Variants in RCOR1 observed in about 807,000 individuals in gnomAD.
The protein encoded by RCOR1 is REST corepressor.
A neutral mutation model predicts 64.0 loss-of-function variants in RCOR1; 12 were observed. The observed-to-expected ratio is 0.19, with a 90% CI of 0.12 to 0.30. The LOEUF is 0.30. RCOR1 is among the 10% of genes least tolerant of loss of function. The probability of loss-of-function intolerance (pLI) is 1.00; values close to 1 mark genes in which losing one functional copy is unlikely to be tolerated. For missense variants in RCOR1, 502 were observed against 621.2 expected (o/e 0.81, Z 2.04); for synonymous variants, 279 against 227.2 (o/e 1.23, Z -2.05).
chr14:102,629,364 A>G (rs1894055597), intron 2 of RCOR1, among the ~76,000 whole-genome samples: 1 of 151,122 alleles, frequency 6.6e-6, no homozygotes, highest in Admixed American at 6.6e-5. Flanking sequence ...TATCTTGTTT[A>G]TTGTATGATT....
At chr14:102,719,567 A>G (rs552242943) in intron 8 of RCOR1, among the ~76,000 whole-genome samples, 2 of 152,278 alleles carry the variant, frequency 1.3e-5, no homozygotes, top group African/African-American at 4.8e-5. Flanking sequence ...TGTCCTTACA[A>G]AGGACATAAA....
chr14:102,613,380 G>A (rs184498915), intron 2 of RCOR1, among the ~76,000 whole-genome samples: 2 of 151,808 alleles, frequency 1.3e-5, no homozygotes, highest in East Asian at 1.9e-4. Context: ...GGAATTACAG[G>A]TGTGAGCCAT....
intron 2 of RCOR1, among the ~76,000 whole-genome samples, chr14:102,652,404 G>A (rs1267464563): frequency 2.6e-5 from 4 of 152,180 alleles, no homozygotes; most frequent in African/African-American, 7.2e-5. Context: ...TGGAAGAAAG[G>A]CTGAGCAGTG....
intron 3 of RCOR1, among the ~76,000 whole-genome samples, chr14:102,687,148 A>G (rs987015424): frequency 6.6e-6 from 1 of 152,234 alleles, no homozygotes; most frequent in African/African-American, 2.4e-5. Flanking sequence ...CTGGGAATGT[A>G]CCAGGAGTGA....
intron 2 of RCOR1, among the ~76,000 whole-genome samples, chr14:102,618,570 TGCCAATGTACTCCAGCCTGG>T (rs1273362452): frequency 6.6e-6 from 1 of 152,174 alleles, no homozygotes; most frequent in Non-Finnish European, 1.5e-5. Flanking sequence ...ATCATGCCCA[TGCCAATGTACTCCAGCCTGG>T]GCAAGAAAGT....
chr14:102,713,148 T>C (rs540725813), intron 7 of RCOR1, among the ~76,000 whole-genome samples: 2 of 151,320 alleles, frequency 1.3e-5, no homozygotes. Flanking sequence ...GAGACGGAGT[T>C]TCACCATCTT....
At chr14:102,628,886 A>G (rs1595201629) in intron 2 of RCOR1, among the ~76,000 whole-genome samples, 1 of 146,902 alleles carries the variant, frequency 6.8e-6, no homozygotes, top group African/African-American at 2.5e-5. Flanking sequence ...AGAGGTGCCA[A>G]CTTGCTCTTT....
intron 2 of RCOR1, among the ~76,000 whole-genome samples, chr14:102,608,880 G>A (rs183205949): frequency 6.6e-6 from 1 of 151,516 alleles, no homozygotes; most frequent in African/African-American, 2.4e-5. Context: ...ATTTGTTGAT[G>A]GACATTTAGC....
chr14:102,632,995 A>T (rs995736101), intron 2 of RCOR1, among the ~76,000 whole-genome samples: 1 of 151,198 alleles, frequency 6.6e-6, no homozygotes, highest in African/African-American at 2.4e-5. Context: ...TTTTTTACAG[A>T]TGGGGGTCTC....
chr14:102,623,384 T>TTAA (rs1893914737), intron 2 of RCOR1, among the ~76,000 whole-genome samples: 1 of 136,336 alleles, frequency 7.3e-6, no homozygotes, highest in Non-Finnish European at 1.5e-5. Flanking sequence ...CCTTTATTTA[T>TTAA]TTATTATTTA....
At position 102,592,829 on chromosome 14, in the gene RCOR1, G is replaced by GC. The variant is rs1023118632; in HGVS notation, c.-53dup. 4.0e-4 allele frequency: 463 copies of GC among 1,170,578 alleles called. No individual in the cohort carries two copies. Among genetic ancestry groups the GC allele is most frequent in the Non-Finnish European group, 4.7e-4 (443 of 949,538 alleles). The allele number at this position is 1,170,578 out of a possible 1,614,324, so 72.5% of individuals were successfully genotyped here. A position where few individuals can be genotyped will look rare whatever the true frequency, so the allele number is the denominator to read the frequency against. The stretch of plus-strand genomic sequence containing the variant: ...CCCGCGCCCCCTCCCCCGTCTCGGC[G>GC]CCCCCTCCTCAGGAGCCGCGGGTCC... On this transcript the variant is annotated 5_prime_UTR_variant, in exon 1 of 12. Coordinates refer to ENST00000262241, the MANE Select transcript of RCOR1 (RefSeq NM_015156.4).
rs567666955 is a variant in RCOR1, at chr14:102,690,795, C to T, written c.445+8817C>T. Among the ~76,000 whole-genome samples, 11 of 152,252 alleles carry T rather than the reference C, an allele frequency of 7.2e-5. No homozygotes were observed. In the South Asian group the frequency reaches 1.0e-3, roughly 14 times the overall value. On this transcript the variant is annotated intron_variant, in intron 3 of 11. Coordinates refer to ENST00000262241, the MANE Select transcript of RCOR1 (RefSeq NM_015156.4). ...ATCGTATTATCTACTTTATGTCTCTCGTCTCTCTCCACTGTAGTGTAAAAC... is the reference window on the plus strand; with the variant it reads ...ATCGTATTATCTACTTTATGTCTCTTGTCTCTCTCCACTGTAGTGTAAAAC...
At chr14:102,647,001 CTG>C (rs1358890581) in intron 2 of RCOR1, among the ~76,000 whole-genome samples, 4 of 152,174 alleles carry the variant, frequency 2.6e-5, no homozygotes, top group African/African-American at 9.7e-5. Flanking sequence ...AACATCTGCA[CTG>C]TTAGATGTTC....
rs567519332 is a variant in RCOR1, at chr14:102,727,724, G to A, written c.*1218G>A. The stretch of plus-strand genomic sequence containing the variant: ...TGGTCTAGTGAGACTGAGATGAAAA[G>A]AAATAACCTACAGAGTGGTCTGTAA... On this transcript the variant is annotated 3_prime_UTR_variant, in exon 12 of 12. Transcript: ENST00000262241. The A allele has an allele frequency of 2.6e-5, 4 of 152,280 alleles. No homozygotes were observed. Among genetic ancestry groups the A allele is most frequent in the African/African-American group, 9.6e-5 (4 of 41,548 alleles). The allele number at this position is 152,280 out of a possible 1,614,324, so 9.4% of individuals were successfully genotyped here. A position where few individuals can be genotyped will look rare whatever the true frequency, so the allele number is the denominator to read the frequency against.
chr14:102,672,778 T>G (rs1895055479), intron 2 of RCOR1, among the ~76,000 whole-genome samples: 1 of 152,178 alleles, frequency 6.6e-6, no homozygotes, highest in South Asian at 2.1e-4. Context: ...TGTGTAGAAA[T>G]TGGAACTCTC....
chr14:102,621,137 T>A (rs1196456911), intron 2 of RCOR1, among the ~76,000 whole-genome samples: 1 of 152,106 alleles, frequency 6.6e-6, no homozygotes, highest in African/African-American at 2.4e-5. Flanking sequence ...GCCCAGCTAG[T>A]TTTTTAGAAT....
At chr14:102,644,337 C>T (rs1894436177) in intron 2 of RCOR1, among the ~76,000 whole-genome samples, 1 of 152,210 alleles carries the variant, frequency 6.6e-6, no homozygotes, top group Non-Finnish European at 1.5e-5. Flanking sequence ...CAAGTCTAGT[C>T]AGCTTCAAGG....
In RCOR1 at chr14:102,729,068, GTCT is replaced by G. The variant is rs1417084675; in HGVS notation, c.*2567_*2569del. 1 of 152,546 alleles carries G rather than the reference GTCT, an allele frequency of 6.6e-6. No homozygotes were observed. Among genetic ancestry groups the G allele is most frequent in the Non-Finnish European group, 1.5e-5 (1 of 68,020 alleles). The allele number at this position is 152,546 out of a possible 1,614,324, so 9.4% of individuals were successfully genotyped here. A position where few individuals can be genotyped will look rare whatever the true frequency, so the allele number is the denominator to read the frequency against. On this transcript the variant is annotated 3_prime_UTR_variant, in exon 12 of 12. Coordinates refer to ENST00000262241, the MANE Select transcript of RCOR1 (RefSeq NM_015156.4). ...CAGATGGAATGTTCACTTAAGCTTT[GTCT>G]TCTTAAAAATTATCAATGTGAATGT...
At chr14:102,616,090 C>G (rs1893753389) in intron 2 of RCOR1, among the ~76,000 whole-genome samples, 1 of 152,128 alleles carries the variant, frequency 6.6e-6, no homozygotes, top group African/African-American at 2.4e-5. Flanking sequence ...GACCAGCCAG[C>G]TGCAAATTTC....
Sources: gnomAD v4.1 joint callset for allele counts (sites outside exome capture counted in the v4.1 genomes callset) on GRCh38, gnomAD v4.1.1 for gene constraint, MANE v1.5 for transcripts, NCBI Gene and HGNC (gene_info 2026-07-23, HGNC 2026-07-21) for gene names.